The following KLKB1 variants were observed in gnomAD, a reference collection of about 807,000 sequenced individuals.
KLKB1 encodes the protein plasma kallikrein.
Under a neutral mutation model 73.6 loss-of-function variants are expected in KLKB1, and 58 were observed. That is an observed-to-expected ratio of 0.79 (90% CI 0.64 to 0.98). The LOEUF (loss-of-function observed/expected upper bound fraction) is 0.98, where lower values mean the gene tolerates loss of function less well. Among genes scored for constraint, KLKB1 ranks in the 50% least tolerant of loss-of-function variants. The probability of loss-of-function intolerance (pLI) is 0.00; values close to 1 mark genes in which losing one functional copy is unlikely to be tolerated. For missense variants in KLKB1, 737 were observed against 763.8 expected (o/e 0.96, Z 0.41); for synonymous variants, 280 against 258.1 (o/e 1.08, Z -0.81).
chr4:186,248,266 T>TA (rs1343166340), intron 6 of KLKB1, among the ~76,000 whole-genome samples: 12 of 144,328 alleles, frequency 8.3e-5, no homozygotes, highest in Admixed American at 7.0e-4. Context: ...ATAATAAAAA[T>TA]AAAATAAAAA....
intron 2 of KLKB1, among the ~76,000 whole-genome samples, chr4:186,231,658 CAGTT>C (rs1168246611): frequency 6.6e-6 from 1 of 152,158 alleles, no homozygotes. Flanking sequence ...CCCTGAGACT[CAGTT>C]ATTTAACTTT....
At chr4:186,254,844 C>T in intron 12 of KLKB1, 81 bp downstream of exon 12, 1 of 1,261,930 alleles carries the variant, frequency 7.9e-7, no homozygotes, top group Admixed American at 1.9e-5. Context: ...GAGGGCAGAC[C>T]TAGAGAGACT....
At chr4:186,257,875 T>G (rs1262280004) in intron 14 of KLKB1, 146 bp from the exon 15 acceptor site, 1 of 781,984 alleles carries the variant, frequency 1.3e-6, no homozygotes, top group African/African-American at 1.7e-5. Context: ...CTGGGCAATG[T>G]GATGAAACCC....
intron 6 of KLKB1, among the ~76,000 whole-genome samples, chr4:186,245,159 G>A (rs1001196639): frequency 2.0e-5 from 3 of 152,208 alleles, no homozygotes; most frequent in African/African-American, 7.2e-5. Context: ...TGGCACCAGA[G>A]TTGGGGAGTT....
chr4:186,232,186 T>C lies in KLKB1; in HGVS notation c.118T>C (p.Tyr40His), dbSNP rs769752981. Reference sequence around the variant, plus strand: ...CAGAGGTGGGGATGTAGCTTCCATGTACACCCCAAATGCCCAATACTGCCA... The same window carrying C: ...CAGAGGTGGGGATGTAGCTTCCATGCACACCCCAAATGCCCAATACTGCCA... ...FFRGGDVASMYTPNAQYCQMR... is the reference protein window; with the variant it reads ...FFRGGDVASMHTPNAQYCQMR... The change falls in exon 3 of 15, where the codon TAC becomes CAC. Residue 40 changes from tyrosine to histidine, a missense_variant. Coordinates refer to ENST00000264690, the MANE Select transcript of KLKB1 (RefSeq NM_000892.5). 13 of 1,613,800 alleles carry C rather than the reference T, an allele frequency of 8.1e-6. No homozygotes were observed. The highest frequency in any genetic ancestry group is 4.0e-5 in the African/African-American group (3 of 75,058).
At chr4:186,255,324 G>A (rs1198682526) in intron 12 of KLKB1, among the ~76,000 whole-genome samples, 1 of 152,172 alleles carries the variant, frequency 6.6e-6, no homozygotes, top group Non-Finnish European at 1.5e-5. Context: ...ACTTTGGGAT[G>A]CCCAGGTGGG....
At chr4:186,255,669 A>G (rs1738958594) in intron 12 of KLKB1, among the ~76,000 whole-genome samples, 1 of 152,184 alleles carries the variant, frequency 6.6e-6, no homozygotes. Flanking sequence ...TCATGTCTGG[A>G]ACAGTGAAGA....
chr4:186,224,068 G>C (rs4862669), upstream of KLKB1, among the ~76,000 whole-genome samples: 85,316 of 152,210 alleles, frequency 0.56, 24,288 homozygotes, highest in East Asian at 0.68. Flanking sequence ...CCCAAGCCTT[G>C]GTGGCTTCCA....
intron 2 of KLKB1, among the ~76,000 whole-genome samples, chr4:186,230,849 T>C (rs993403048): frequency 1.3e-5 from 2 of 152,174 alleles, no homozygotes; most frequent in Admixed American, 6.5e-5. Flanking sequence ...CTGAAAAAAA[T>C]AGGCCTTTTT....
At position 186,254,857 on chromosome 4, in the gene KLKB1, C is replaced by T. The variant is rs1029577212; in HGVS notation, c.1489+94C>T. On this transcript the variant is annotated intron_variant, in intron 12 of 14. Transcript: ENST00000264690. ...AAGAGGGCAGACCTAGAGAGACTGT[C>T]GTCGTTTTCTGACTGGTGGAGTTGA... 5.5e-4 allele frequency: 639 copies of T among 1,163,238 alleles called. 1 individual carries two copies. Among genetic ancestry groups the T allele is most frequent in the Middle Eastern group, 9.7e-4 (5 of 5,134 alleles). 72.1% of individuals were successfully genotyped at this position (1,163,238 alleles called of 1,614,324 possible).
intron 6 of KLKB1, among the ~76,000 whole-genome samples, chr4:186,240,058 TGTTATA>T (rs534576255): frequency 2.9e-3 from 435 of 151,416 alleles, no homozygotes; most frequent in South Asian, 0.012. Flanking sequence ...ACAGTGATAT[TGTTATA>T]GTTATAGGAA....
chr4:186,248,276 A>T (rs557602649), intron 6 of KLKB1, among the ~76,000 whole-genome samples: 18 of 152,048 alleles, frequency 1.2e-4, no homozygotes, highest in South Asian at 4.2e-4. Context: ...TAAAATAAAA[A>T]AAAAAAAGAA....
At chr4:186,238,499 A>G (rs1737828067) in intron 6 of KLKB1, 134 bp downstream of exon 6, 7 of 718,182 alleles carry the variant, frequency 9.7e-6, no homozygotes, top group South Asian at 1.5e-5. Context: ...AATGGCATGC[A>G]GTTACGGGCT....
upstream of KLKB1, among the ~76,000 whole-genome samples, chr4:186,222,905 C>T (rs183231624): frequency 3.3e-4 from 51 of 152,294 alleles, 2 homozygotes; most frequent in African/African-American, 1.2e-3. Context: ...ACCCAAATCT[C>T]ATCTCGAATT....
Position 186,228,143 on chromosome 4 carries a change from A to T in KLKB1, c.-1-52A>T, listed in dbSNP as rs931260850. 5.0e-6 allele frequency: 5 copies of T among 1,004,364 alleles called. No homozygotes were observed. In the African/African-American group the frequency reaches 6.3e-5, roughly 13 times the overall value. 62.2% of individuals were successfully genotyped at this position (1,004,364 alleles called of 1,614,324 possible). A position where few individuals can be genotyped will look rare whatever the true frequency, so the allele number is the denominator to read the frequency against. On this transcript the variant is annotated intron_variant, in intron 1 of 14. Transcript: ENST00000264690. ...TCTAAATCACCTTAAATTAAGATTT[A>T]TGTTAAATGTGGTCTAAAACCAGCA...
intron 2 of KLKB1, among the ~76,000 whole-genome samples, chr4:186,231,589 G>A (rs1737400782): frequency 6.6e-6 from 1 of 152,240 alleles, no homozygotes; most frequent in African/African-American, 2.4e-5. Flanking sequence ...TGGGAGTCAG[G>A]GCTGGGTGAC....
Position 186,250,147 on chromosome 4 carries a change from A to C in KLKB1, c.599-96A>C. ...TAGGATGTTTAGTACTATGAATAATAAATAGTCACAATTTCCTTAACTATG... is the reference window on the plus strand; with the variant it reads ...TAGGATGTTTAGTACTATGAATAATCAATAGTCACAATTTCCTTAACTATG... On this transcript the variant is annotated intron_variant, in intron 6 of 14. Coordinates refer to ENST00000264690, the MANE Select transcript of KLKB1 (RefSeq NM_000892.5). The C allele has an allele frequency of 2.2e-5, 25 of 1,136,644 alleles. No individual in the cohort carries two copies. The South Asian group carries it at 3.1e-4, about 14-fold the overall frequency. 70.4% of individuals were successfully genotyped at this position (1,136,644 alleles called of 1,614,324 possible).
chr4:186,250,712 T>C (rs957579745), intron 7 of KLKB1, among the ~76,000 whole-genome samples: 1 of 152,192 alleles, frequency 6.6e-6, no homozygotes, highest in Non-Finnish European at 1.5e-5. Context: ...CTTCATGTTT[T>C]GTATTAGCTT....
chr4:186,238,402 G>A (rs1364657641), intron 6 of KLKB1, 37 bp downstream of exon 6: 5 of 1,399,994 alleles, frequency 3.6e-6, no homozygotes, highest in African/African-American at 1.4e-5. Flanking sequence ...GATTGTGGTA[G>A]GTGGAATAGG....
Sources: gnomAD v4.1 joint callset for allele counts (sites outside exome capture counted in the v4.1 genomes callset) on GRCh38, gnomAD v4.1.1 for gene constraint, MANE v1.5 for transcripts, NCBI Gene and HGNC (gene_info 2026-07-23, HGNC 2026-07-21) for gene names.